The following RNF144A variants were observed in gnomAD, a reference collection of about 807,000 sequenced individuals.
RNF144A encodes ring finger protein 144A, also known as E3 ubiquitin-protein ligase RNF144A.
In RNF144A, 11 loss-of-function variants were observed where a neutral mutation model predicts 38.7. The observed-to-expected ratio is 0.28, with a 90% CI of 0.18 to 0.47. The LOEUF is 0.47. Ranked by LOEUF, RNF144A falls within the 20% of genes least tolerant of loss-of-function variation. The probability of loss-of-function intolerance (pLI) is 0.99; values close to 1 mark genes in which losing one functional copy is unlikely to be tolerated. For synonymous variants in RNF144A, 149 were observed against 143.9 expected, an observed-to-expected ratio of 1.04 and a Z score of -0.25; for missense variants, 316 against 377.2, an observed-to-expected ratio of 0.84 and a Z score of 1.34.
rs1672174398 is a variant in RNF144A at position 7,030,027 on chromosome 2, AT to A, written c.658-98del. 35 of 726,890 alleles carry A rather than the reference AT, an allele frequency of 4.8e-5. No individual in the cohort carries two copies. The Middle Eastern group carries it at 1.0e-3, about 21-fold the overall frequency. 45.0% of individuals were successfully genotyped at this position (726,890 alleles called of 1,614,324 possible). ...TGTCACCTCCCTCATGTCTCCACTT[AT>A]CATGAGCATAGGAGAAGAAATGCAT... On this transcript the variant is annotated intron_variant, in intron 7 of 8. Coordinates refer to ENST00000320892, the MANE Select transcript of RNF144A (RefSeq NM_014746.6).
intron 5 of RNF144A, among the ~76,000 whole-genome samples, chr2:7,018,286 C>T (rs759600067): frequency 7.2e-5 from 11 of 152,176 alleles, no homozygotes; most frequent in Non-Finnish European, 1.3e-4. Context: ...TTTCTCTTCC[C>T]GCGCAGCGTG....
chr2:7,041,482 T>G lies in RNF144A; in HGVS notation c.*1722T>G, dbSNP rs1324260488. ...TCCTTGTAATTGCAAGTTTAGTAAC[T>G]CAGTAAGAACATGCCTGCGACTCCC... On this transcript the variant is annotated 3_prime_UTR_variant, in exon 9 of 9. Transcript: ENST00000320892. 2 of 985,842 alleles carry G rather than the reference T, an allele frequency of 2.0e-6. No individual in the cohort carries two copies. Among genetic ancestry groups the G allele is most frequent in the African/African-American group, 3.5e-5 (2 of 57,236 alleles). 61.1% of individuals were successfully genotyped at this position (985,842 alleles called of 1,614,324 possible). A position where few individuals can be genotyped will look rare whatever the true frequency, so the allele number is the denominator to read the frequency against.
In RNF144A at chr2:7,035,004, G is replaced by A. The variant is rs530036121; in HGVS notation, c.748-4625G>A. On this transcript the variant is annotated intron_variant, in intron 8 of 8. Transcript: ENST00000320892. ...CAGCAGAATAAAATGCTCAGACGGGGCATAACCTGAAGACTTCTGCTGAGC... is the reference window on the plus strand; with the variant it reads ...CAGCAGAATAAAATGCTCAGACGGGACATAACCTGAAGACTTCTGCTGAGC... Among the ~76,000 whole-genome samples, 21 of 152,296 alleles carry A rather than the reference G, an allele frequency of 1.4e-4. No individual in the cohort carries two copies. The South Asian group carries it at 2.7e-3, about 20-fold the overall frequency.
intron 8 of RNF144A, among the ~76,000 whole-genome samples, chr2:7,035,955 C>G (rs1009709815): frequency 3.3e-5 from 5 of 152,174 alleles, no homozygotes; most frequent in African/African-American, 1.2e-4. Flanking sequence ...AGCAGAGTCT[C>G]CTGTTAAAGT....
At chr2:7,030,010 C>T (rs933330679) in intron 7 of RNF144A, 116 bp from the exon 8 acceptor site, 24 of 758,358 alleles carry the variant, frequency 3.2e-5, no homozygotes, top group Non-Finnish European at 4.8e-5. Flanking sequence ...TGTGTCACCT[C>T]CCTCATGTCT....
intron 2 of RNF144A, among the ~76,000 whole-genome samples, chr2:6,985,269 T>C (rs146941536): frequency 2.3e-4 from 10 of 44,320 alleles, no homozygotes; most frequent in Middle Eastern, 0.013. Flanking sequence ...CCCTCCCCCC[T>C]CTTTTTTTTT....
chr2:7,049,857 T>C (rs574105393), intron 6 of RNF144A, among the ~76,000 whole-genome samples: 4 of 152,188 alleles, frequency 2.6e-5, no homozygotes, highest in Non-Finnish European at 5.9e-5. Context: ...AAATGTGTAC[T>C]GTGGGAAGCT....
intron 3 of RNF144A, among the ~76,000 whole-genome samples, chr2:7,000,268 G>A (rs939310524): frequency 1.3e-5 from 2 of 152,220 alleles, no homozygotes; most frequent in African/African-American, 2.4e-5. Context: ...AAGGTCAAAT[G>A]TAAAGCTGAA....
chr2:7,063,077 G>T (rs1485327831), intron 6 of RNF144A, among the ~76,000 whole-genome samples: 1 of 151,256 alleles, frequency 6.6e-6, no homozygotes, highest in Admixed American at 6.6e-5. Context: ...AGGACACCTA[G>T]TCTGAATGCT....
intron 2 of RNF144A, among the ~76,000 whole-genome samples, chr2:6,979,167 G>A (rs891412318): frequency 6.6e-6 from 1 of 152,208 alleles, no homozygotes; most frequent in Non-Finnish European, 1.5e-5. Context: ...GGACAGAGAT[G>A]TCTCTTCTGA....
chr2:6,969,489 G>A (rs941460538), intron 2 of RNF144A, among the ~76,000 whole-genome samples: 1 of 152,164 alleles, frequency 6.6e-6, no homozygotes, highest in Non-Finnish European at 1.5e-5. Context: ...CCCTGCTCAT[G>A]CTCCTGCATC....
At chr2:6,951,441 C>T (rs1307446728) in intron 2 of RNF144A, among the ~76,000 whole-genome samples, 1 of 152,136 alleles carries the variant, frequency 6.6e-6, no homozygotes, top group Non-Finnish European at 1.5e-5. Context: ...TGGTCCTCTG[C>T]CCTCTATAGA....
intron 2 of RNF144A, among the ~76,000 whole-genome samples, chr2:6,965,847 G>A (rs1667635936): frequency 6.6e-6 from 1 of 152,030 alleles, no homozygotes; most frequent in African/African-American, 2.4e-5. Context: ...GCCTATCAGG[G>A]TTTTCACTTA....
intron 6 of RNF144A, among the ~76,000 whole-genome samples, chr2:7,051,601 A>G (rs1673530557): frequency 6.6e-6 from 1 of 152,176 alleles, no homozygotes; most frequent in African/African-American, 2.4e-5. Flanking sequence ...GTAAAAAGAC[A>G]GTTGAGGGCA....
intron 5 of RNF144A, among the ~76,000 whole-genome samples, chr2:7,015,038 C>T (rs1022529817): frequency 2.0e-5 from 3 of 152,168 alleles, no homozygotes; most frequent in Non-Finnish European, 4.4e-5. Flanking sequence ...CTGGGGGAGG[C>T]TTAAAGTTGA....
At chr2:6,971,257 A>G (rs1211571495) in intron 2 of RNF144A, among the ~76,000 whole-genome samples, 2 of 152,016 alleles carry the variant, frequency 1.3e-5, no homozygotes, top group Non-Finnish European at 1.5e-5. Context: ...CTGCTTTAAT[A>G]TTCCTTCAGT....
chr2:6,950,351 G>A (rs1666601224), intron 2 of RNF144A, among the ~76,000 whole-genome samples: 3 of 152,218 alleles, frequency 2.0e-5, no homozygotes, highest in South Asian at 4.2e-4. Context: ...ATTTAACCGC[G>A]TTGTTTTGTG....
rs540741564 is a variant in RNF144A at position 7,039,960 on chromosome 2, G to A, written c.*200G>A. The A allele has an allele frequency of 6.5e-5, 91 of 1,398,460 alleles. No individual in the cohort carries two copies. In the Admixed American group the frequency reaches 1.2e-3, roughly 19 times the overall value. 86.6% of individuals were successfully genotyped at this position (1,398,460 alleles called of 1,614,324 possible). ...GCCCCAGGTGTGGTGGGGAGGGGAGGCAGGTGTGGGTAGCGCACATCCCCA... is the reference window on the plus strand; with the variant it reads ...GCCCCAGGTGTGGTGGGGAGGGGAGACAGGTGTGGGTAGCGCACATCCCCA... On this transcript the variant is annotated 3_prime_UTR_variant, in exon 9 of 9. Coordinates refer to ENST00000320892, the MANE Select transcript of RNF144A (RefSeq NM_014746.6).
At chr2:6,972,198 CCCT>C (rs1668038648) in intron 2 of RNF144A, among the ~76,000 whole-genome samples, 1 of 152,204 alleles carries the variant, frequency 6.6e-6, no homozygotes, top group Admixed American at 6.5e-5. Context: ...CCTCTTCTTT[CCCT>C]CCTCCTCATT....
Sources: allele counts gnomAD v4.1 joint callset (sites outside exome capture counted in the v4.1 genomes callset), GRCh38; gene constraint gnomAD v4.1.1; transcripts MANE v1.5; gene names NCBI Gene and HGNC (gene_info 2026-07-23, HGNC 2026-07-21).